Variants in PCK2 observed in about 807,000 individuals in gnomAD.
The protein encoded by PCK2 is phosphoenolpyruvate carboxykinase 2, mitochondrial, also known as phosphoenolpyruvate carboxykinase [GTP], mitochondrial.
In PCK2, 56 loss-of-function variants were observed where a neutral mutation model predicts 65.9. The ratio of observed to expected loss-of-function variants is 0.85; its 90% CI spans 0.69 to 1.06. The LOEUF is 1.06. PCK2 is among the 50% of genes least tolerant of loss of function. The pLI, the probability that PCK2 is intolerant of heterozygous loss-of-function variation, is 0.00. For missense variants in PCK2, 843 were observed against 863.1 expected, an observed-to-expected ratio of 0.98 and a Z score of 0.29; for synonymous variants, 305 against 319.6, an observed-to-expected ratio of 0.95 and a Z score of 0.49.
intron 7 of PCK2, 126 bp from the exon 8 acceptor site, chr14:24,102,627 C>T: frequency 1.3e-6 from 1 of 755,558 alleles, no homozygotes; most frequent in Admixed American, 2.4e-5. Flanking sequence ...CCTTATCACA[C>T]AAGGTTCTAG....
rs778174301 is a variant in PCK2 at position 24,099,221 on chromosome 14, G to A, written c.837G>A (p.Leu279=). ...GGCTGGCCCGGGATGAGGGCTGGCTGGCAGAGCACATGCTGGTGAGGGCCT... is the reference window on the plus strand; with the variant it reads ...GGCTGGCCCGGGATGAGGGCTGGCTAGCAGAGCACATGCTGGTGAGGGCCT... ...ASRLARDEGW[L]AEHMLILGIT... The change falls in exon 5 of 10, where the codon CTG becomes CTA. Residue 279 remains leucine (L), a synonymous_variant. Coordinates refer to ENST00000216780, the MANE Select transcript of PCK2 (RefSeq NM_004563.4). 3 of 1,596,316 alleles carry A rather than the reference G, an allele frequency of 1.9e-6. No individual in the cohort carries two copies. The highest frequency in any genetic ancestry group is 2.6e-6 in the Non-Finnish European group (3 of 1,174,672).
At position 24,102,844 on chromosome 14, in the gene PCK2, G is replaced by A; in HGVS notation, c.1326G>A (p.Glu442=). 8 of 1,614,018 alleles carry A rather than the reference G, an allele frequency of 5.0e-6. No individual in the cohort carries two copies. The highest frequency in any genetic ancestry group is 5.9e-6 in the Non-Finnish European group (7 of 1,179,928). Residue 442 remains glutamate, a synonymous_variant, in exon 8 of 10, where the codon GAG becomes GAA. Coordinates refer to ENST00000216780, the MANE Select transcript of PCK2 (RefSeq NM_004563.4). ...PIMDPAWEAP[E]GVPIDAIIFG... ...TGGACCCAGCCTGGGAGGCCCCAGA[G>A]GGTGTCCCCATTGACGCCATCATCT...
intron 7 of PCK2, among the ~76,000 whole-genome samples, chr14:24,101,971 A>G (rs2037178653): frequency 1.3e-5 from 2 of 152,154 alleles, no homozygotes; most frequent in Non-Finnish European, 2.9e-5. Context: ...CATGCCTGTA[A>G]TCCTACTACT....
chr14:24,103,386 T>C (rs2037244785), intron 9 of PCK2, 124 bp from the exon 10 acceptor site: 3 of 1,169,194 alleles, frequency 2.6e-6, no homozygotes, highest in African/African-American at 1.5e-5. Context: ...ACTTCTATCT[T>C]TTCCCCATCC....
rs937039468 is a variant in PCK2 at position 24,097,020 on chromosome 14, G to C, written c.158G>C (p.Arg53Pro). The change falls in exon 2 of 10, where the codon CGC becomes CCC. Residue 53 changes from arginine (R) to proline (P), a missense_variant. Transcript: ENST00000216780. ...GIRDFVEHSA[R>P]LCQPEGIHIC... is the part of the protein sequence containing the mutation. The stretch of plus-strand genomic sequence containing the variant: ...CGAGATTTTGTAGAGCACAGTGCCC[G>C]CCTGTGCCAACCAGAGGGCATCCAC... 4 of 1,612,396 alleles carry C rather than the reference G, an allele frequency of 2.5e-6. No homozygotes were observed. Among genetic ancestry groups the C allele is most frequent in the Non-Finnish European group, 3.4e-6 (4 of 1,179,524 alleles).
chr14:24,097,337 T>C (rs1036413378), intron 2 of PCK2, among the ~76,000 whole-genome samples, 200 bp downstream of exon 2: 2 of 149,014 alleles, frequency 1.3e-5, no homozygotes, highest in Non-Finnish European at 3.0e-5. Flanking sequence ...GATCACCAGG[T>C]GTCGGGAGTT....
rs1322107732 is a variant in PCK2, at chr14:24,097,006, A to G, written c.144A>G (p.Val48=). 1.2e-6 allele frequency: 2 copies of G among 1,613,706 alleles called. No individual in the cohort carries two copies. The highest frequency in any genetic ancestry group is 1.7e-6 in the Non-Finnish European group (2 of 1,179,946). Residue 48 remains valine, a synonymous_variant, in exon 2 of 10, where the codon GTA becomes GTG. Coordinates refer to ENST00000216780, the MANE Select transcript of PCK2 (RefSeq NM_004563.4). Reference sequence around the variant, plus strand: ...TTCCCACTGGCATTCGAGATTTTGTAGAGCACAGTGCCCGCCTGTGCCAAC... The same window carrying G: ...TTCCCACTGGCATTCGAGATTTTGTGGAGCACAGTGCCCGCCTGTGCCAAC... ...GQLPTGIRDF[V]EHSARLCQPE...
chr14:24,098,476 C>T lies in PCK2; in HGVS notation c.462C>T (p.Gly154=). Residue 154 remains glycine, a splice_region_variant and synonymous_variant, in exon 4 of 10, where the codon GGC becomes GGT. Transcript: ENST00000216780. ...TCCAGGGGATGCCTTCCTCCACAGGCCGCACCATGTATGTGCTTCCATTCA... is the reference window on the plus strand; with the variant it reads ...TCCAGGGGATGCCTTCCTCCACAGGTCGCACCATGTATGTGCTTCCATTCA... ...VDERFPGCMQ[G]RTMYVLPFSM... 3 of 1,614,002 alleles carry T rather than the reference C, an allele frequency of 1.9e-6. No homozygotes were observed. Among genetic ancestry groups the T allele is most frequent in the Non-Finnish European group, 2.5e-6 (3 of 1,179,942 alleles).
chr14:24,094,769 C>A lies in PCK2; in HGVS notation c.29+335C>A. 7.1e-7 allele frequency: 1 copy of A among 1,416,100 alleles called. No homozygotes were observed. The highest frequency in any genetic ancestry group is 1.2e-5 in the South Asian group (1 of 82,090). The allele number at this position is 1,416,100 out of a possible 1,614,324, so 87.7% of individuals were successfully genotyped here. The stretch of plus-strand genomic sequence containing the variant: ...CATATCCTCCTTTCCTTCCCAGATA[C>A]CTCCCTCGGACCTCTAACGGGCTCT... On this transcript the variant is annotated intron_variant, in intron 1 of 9. Coordinates refer to ENST00000216780, the MANE Select transcript of PCK2 (RefSeq NM_004563.4). This position sits in a 1 kb window ranked among gnomAD's most constrained non-coding sequence, Gnocchi z 4.1.
At position 24,094,694 on chromosome 14, in the gene PCK2, C is replaced by CT; in HGVS notation, c.29+261dup. The CT allele has an allele frequency of 6.6e-7, 1 of 1,520,004 alleles. No homozygotes were observed. Among genetic ancestry groups the CT allele is most frequent in the Non-Finnish European group, 8.8e-7 (1 of 1,137,014 alleles). The allele number at this position is 1,520,004 out of a possible 1,614,324, so 94.2% of individuals were successfully genotyped here. ...GACCGCGCGATCTCTATCTGCCACT[C>CT]TCAGAACTTCCTCTCTCTCCTCGCT... On this transcript the variant is annotated intron_variant, in intron 1 of 9. Transcript: ENST00000216780. This position sits in a 1 kb window ranked among gnomAD's most constrained non-coding sequence, Gnocchi z 4.1.
In PCK2 at chr14:24,098,214, G is replaced by T. The variant is rs770940344; in HGVS notation, c.287G>T (p.Arg96Leu). Residue 96 changes from arginine to leucine, a missense_variant, in exon 3 of 10, where the codon CGC (arginine) becomes CTC (leucine). Arg to Leu is a moderately radical substitution (Grantham distance 102, BLOSUM62 -2). Coordinates refer to ENST00000216780, the MANE Select transcript of PCK2 (RefSeq NM_004563.4). ...CCCCTCTCCCCCAGCTGGCTGGCCC[G>T]CACAGACCCCAAGGATGTGGCACGA... is the stretch of plus-strand genomic sequence containing the variant. ...LPKYNNCWLARTDPKDVARVE... is the reference protein window; with the variant it reads ...LPKYNNCWLALTDPKDVARVE... 5 of 1,609,058 alleles carry T rather than the reference G, an allele frequency of 3.1e-6. No individual in the cohort carries two copies. The Admixed American group carries it at 8.4e-5, about 27-fold the overall frequency.
At chr14:24,101,767 A>C (rs2037171039) in intron 7 of PCK2, among the ~76,000 whole-genome samples, 1 of 152,120 alleles carries the variant, frequency 6.6e-6, no homozygotes, top group African/African-American at 2.4e-5. Flanking sequence ...AATAAAATAC[A>C]AAAATTAGCC....
upstream of PCK2, chr14:24,094,253 A>T: frequency 1.4e-6 from 1 of 698,160 alleles, no homozygotes; most frequent in Non-Finnish European, 2.4e-6. The surrounding 1 kb of genome is among the most constrained non-coding windows in gnomAD (Gnocchi z 4.1). Flanking sequence ...CAGCCCTACC[A>T]GGTTCCGCCC....
In PCK2 at chr14:24,094,710, TCTC is replaced by T. The variant is rs141268066; in HGVS notation, c.29+280_29+282del. ...TCTGCCACTCTCAGAACTTCCTCTC[TCTC>T]CTCGCTCCTCTCTGCTGAGCCAGGT... On this transcript the variant is annotated intron_variant, in intron 1 of 9. Transcript: ENST00000216780. The surrounding 1 kb of genome is among the most constrained non-coding windows in gnomAD (Gnocchi z 4.1). The T allele has an allele frequency of 1.4e-3, 2,173 of 1,508,770 alleles. 35 individuals are homozygous for T. The African/African-American group carries it at 0.027, about 19-fold the overall frequency. The allele number at this position is 1,508,770 out of a possible 1,614,324, so 93.5% of individuals were successfully genotyped here.
rs758984140 is a variant in PCK2 at position 24,103,188 on chromosome 14, C to G, written c.1401C>G (p.Asn467Lys). ...KGVPLVYEAF[N>K]WRHGVFVGSA... The stretch of plus-strand genomic sequence containing the variant: ...TACCCCTGGTATACGAGGCCTTCAA[C>G]TGGCGTCATGGGGTGTTTGTGGGCA... The change falls in exon 9 of 10, where the codon AAC (asparagine) becomes AAG (lysine). Residue 467 changes from asparagine (N) to lysine (K), a missense_variant. Asn to Lys is a moderately conservative substitution (Grantham distance 94). Coordinates refer to ENST00000216780, the MANE Select transcript of PCK2 (RefSeq NM_004563.4). 9.3e-6 allele frequency: 15 copies of G among 1,614,082 alleles called. No individual in the cohort carries two copies. The highest frequency in any genetic ancestry group is 1.6e-4 in the Middle Eastern group (1 of 6,062).
intron 7 of PCK2, among the ~76,000 whole-genome samples, chr14:24,101,119 GC>G (rs1215114309): frequency 6.6e-6 from 1 of 152,018 alleles, no homozygotes; most frequent in Non-Finnish European, 1.5e-5. Flanking sequence ...CCATCATTAA[GC>G]CCCCCTCAGC....
At chr14:24,100,308 C>A in intron 7 of PCK2, 95 bp downstream of exon 7, 1 of 1,540,080 alleles carries the variant, frequency 6.5e-7, no homozygotes. Context: ...TCTTCTAGGA[C>A]TGCCAGGAGG....
At position 24,103,810 on chromosome 14, in the gene PCK2, T is replaced by A. The variant is rs749578321; in HGVS notation, c.1769T>A (p.Ile590Lys). Reference protein sequence around the residue: ...GALDLSGLRAIDTTQLFSLPK... With the variant: ...GALDLSGLRAKDTTQLFSLPK... Reference sequence around the variant, plus strand: ...TTGGATCTCAGCGGCCTCAGAGCTATAGACACCACTCAGCTGTTCTCCCTC... The same window carrying A: ...TTGGATCTCAGCGGCCTCAGAGCTAAAGACACCACTCAGCTGTTCTCCCTC... The change falls in exon 10 of 10, where the codon ATA (isoleucine) becomes AAA (lysine). Residue 590 changes from isoleucine to lysine, a missense_variant. Ile to Lys is a moderately radical substitution (Grantham distance 102). Transcript: ENST00000216780. 6.2e-7 allele frequency: 1 copy of A among 1,614,122 alleles called. No individual in the cohort carries two copies.
At position 24,099,225 on chromosome 14, in the gene PCK2, G is replaced by A. The variant is rs747219827; in HGVS notation, c.841G>A (p.Glu281Lys). ...GGCCCGGGATGAGGGCTGGCTGGCA[G>A]AGCACATGCTGGTGAGGGCCTGGTG... is the stretch of plus-strand genomic sequence containing the variant. ...RLARDEGWLAEHMLILGITSP... is the reference protein window; with the variant it reads ...RLARDEGWLAKHMLILGITSP... Residue 281 changes from glutamate to lysine, a missense_variant, in exon 5 of 10, where the codon GAG becomes AAG. Coordinates refer to ENST00000216780, the MANE Select transcript of PCK2 (RefSeq NM_004563.4). 6.3e-7 allele frequency: 1 copy of A among 1,595,404 alleles called. No homozygotes were observed. The highest frequency in any genetic ancestry group is 8.5e-7 in the Non-Finnish European group (1 of 1,174,308).
Sources: gnomAD v4.1 joint callset for allele counts (sites outside exome capture counted in the v4.1 genomes callset) on GRCh38, gnomAD v4.1.1 for gene constraint, Gnocchi (gnomAD v3.1) non-coding constraint, MANE v1.5 for transcripts, NCBI Gene and HGNC (gene_info 2026-07-23, HGNC 2026-07-21) for gene names.